Variants in MACROD2 observed in about 807,000 individuals in gnomAD.
MACROD2 encodes ADP-ribose glycohydrolase MACROD2.
Under a neutral mutation model 70.4 loss-of-function variants are expected in MACROD2, and 36 were observed. The observed-to-expected ratio is 0.51, with a 90% CI of 0.39 to 0.68. The LOEUF (loss-of-function observed/expected upper bound fraction) is 0.68. MACROD2 is among the 30% of genes least tolerant of loss of function. The pLI, the probability that MACROD2 is intolerant of heterozygous loss-of-function variation, is 0.00. For synonymous variants in MACROD2, 172 were observed against 178.8 expected (o/e 0.96, Z 0.30); for missense variants, 496 against 538.4 (o/e 0.92, Z 0.78).
At chr20:15,261,610 A>G (rs13038724) in intron 6 of MACROD2, among the ~76,000 whole-genome samples, 2,140 of 152,098 alleles carry the variant, frequency 0.014, 27 homozygotes, top group Non-Finnish European at 0.018. Flanking sequence ...GTCCTTTTAC[A>G]TGAACAGCAA....
At chr20:15,226,207 G>A (rs1020488199) in intron 5 of MACROD2, among the ~76,000 whole-genome samples, 3 of 152,160 alleles carry the variant, frequency 2.0e-5, no homozygotes, top group South Asian at 2.1e-4. Flanking sequence ...AGAAGGTCAC[G>A]TAGCTGATTA....
At position 15,535,809 on chromosome 20, in the gene MACROD2, A is replaced by G. The variant is rs79382748; in HGVS notation, c.645+35962A>G. ...CCAAATAAGTTCATACTGGATAATT[A>G]TGGATGAGAAATAAATTGGCAACCA... On this transcript the variant is annotated intron_variant, in intron 8 of 17. Transcript: ENST00000684519. Among the ~76,000 whole-genome samples the G allele has an allele frequency of 2.4e-4, 36 of 152,314 alleles. No individual in the cohort carries two copies. In the East Asian group the frequency reaches 6.8e-3, roughly 29 times the overall value.
In MACROD2 at chr20:14,684,894, G is replaced by A. The variant is rs557866799; in HGVS notation, c.353G>A (p.Arg118His). ...GGCCCCTGTTTGCTAGCTGAATGTC[G>A]TAACCTGAATGGCTGTGATACTGGA... Reference protein sequence around the residue: ...AAGPCLLAECRNLNGCDTGHA... With the variant: ...AAGPCLLAECHNLNGCDTGHA... Residue 118 changes from arginine (R) to histidine (H), a missense_variant, in exon 5 of 18, where the codon CGT becomes CAT. Coordinates refer to ENST00000684519, the MANE Select transcript of MACROD2 (RefSeq NM_001351661.2). 3.2e-5 allele frequency: 52 copies of A among 1,613,838 alleles called. No individual in the cohort carries two copies. The highest frequency in any genetic ancestry group is 1.6e-4 in the Middle Eastern group (1 of 6,084).
chr20:15,329,128 G>C (rs555949029), intron 6 of MACROD2, among the ~76,000 whole-genome samples: 1 of 152,068 alleles, frequency 6.6e-6, no homozygotes, highest in African/African-American at 2.4e-5. Flanking sequence ...GAGTCTATTC[G>C]ATTGTGTAAA....
At chr20:14,357,935 C>CA (rs1433117220) in intron 3 of MACROD2, among the ~76,000 whole-genome samples, 1 of 152,242 alleles carries the variant, frequency 6.6e-6, no homozygotes, top group East Asian at 1.9e-4. Flanking sequence ...TGATCTCACA[C>CA]AAAGTCATCT....
chr20:15,724,260 A>G (rs1157099367), intron 8 of MACROD2, among the ~76,000 whole-genome samples: 1 of 152,144 alleles, frequency 6.6e-6, no homozygotes, highest in African/African-American at 2.4e-5. Flanking sequence ...TTCAAAGCAG[A>G]AGTTTTGAGT....
chr20:15,254,729 T>C (rs2077183974), intron 6 of MACROD2, among the ~76,000 whole-genome samples: 1 of 152,142 alleles, frequency 6.6e-6, no homozygotes, highest in East Asian at 1.9e-4. Context: ...TTGCTATGAT[T>C]ATCTTTTTTG....
At chr20:14,419,097 C>T (rs1457584118) in intron 3 of MACROD2, among the ~76,000 whole-genome samples, 2 of 151,972 alleles carry the variant, frequency 1.3e-5, no homozygotes, top group East Asian at 3.9e-4. Flanking sequence ...TCTTGTTGCC[C>T]AGGCTGGAGT....
rs570280807 is a variant in MACROD2, at chr20:14,196,703, A to C, written c.271+110975A>C. ...CAGCTAGGCTTTGGAAATACGGCTC[A>C]CATGCTTTTGGGACTCTGGCTATTT... On this transcript the variant is annotated intron_variant, in intron 3 of 17. Transcript: ENST00000684519. 7.2e-5 allele frequency among the ~76,000 whole-genome samples: 11 copies of C among 152,362 alleles called. No individual in the cohort carries two copies. In the East Asian group the frequency reaches 2.1e-3, roughly 29 times the overall value.
chr20:14,744,365 T>G (rs1389574410), intron 5 of MACROD2, among the ~76,000 whole-genome samples: 2 of 152,210 alleles, frequency 1.3e-5, no homozygotes, highest in Non-Finnish European at 2.9e-5. Flanking sequence ...ATTTACCATG[T>G]ACAACATATT....
rs573811904 is a variant in MACROD2 at position 15,154,249 on chromosome 20, G to C, written c.419-75691G>C. Among the ~76,000 whole-genome samples the C allele has an allele frequency of 1.2e-4, 19 of 152,228 alleles. No individual in the cohort carries two copies. The East Asian group carries it at 3.1e-3, about 25-fold the overall frequency. On this transcript the variant is annotated intron_variant, in intron 5 of 17. Transcript: ENST00000684519. ...TGACTCATCTTATCCCTGCAACTCAGTTTTCTCATTCCTCACCGTCACTTG... is the reference window on the plus strand; with the variant it reads ...TGACTCATCTTATCCCTGCAACTCACTTTTCTCATTCCTCACCGTCACTTG...
intron 3 of MACROD2, among the ~76,000 whole-genome samples, chr20:14,114,780 G>A (rs1399117219): frequency 6.6e-6 from 1 of 152,166 alleles, no homozygotes; most frequent in East Asian, 1.9e-4. Flanking sequence ...AAATAATTGA[G>A]ATGATAGAAA....
intron 5 of MACROD2, chr20:14,757,600 A>C: frequency 8.8e-7 from 1 of 1,132,398 alleles, no homozygotes; most frequent in Non-Finnish European, 1.3e-6. Flanking sequence ...GCCATTTATG[A>C]CTCCTTTTTA....
In MACROD2 at chr20:15,340,717, C is replaced by A. The variant is rs151272700; in HGVS notation, c.541-90688C>A. 7.7e-3 allele frequency among the ~76,000 whole-genome samples: 1,169 copies of A among 152,152 alleles called. 8 individuals are homozygous for A. Among genetic ancestry groups the A allele is most frequent in the Non-Finnish European group, 0.011 (720 of 68,012 alleles). On this transcript the variant is annotated intron_variant, in intron 6 of 17. Transcript: ENST00000684519. ...GCAGTGCCTTTCTTCCCTGATTGCA[C>A]TGTATAAAAGCTACAAATCATGCTT...
intron 5 of MACROD2, among the ~76,000 whole-genome samples, chr20:14,767,211 A>G (rs1237985985): frequency 6.6e-6 from 1 of 152,158 alleles, no homozygotes; most frequent in Non-Finnish European, 1.5e-5. Context: ...GTCCAAATGA[A>G]AAGAAATAAA....
intron 6 of MACROD2, among the ~76,000 whole-genome samples, chr20:15,266,273 C>T (rs1165289216): frequency 6.6e-6 from 1 of 152,112 alleles, no homozygotes; most frequent in Non-Finnish European, 1.5e-5. Flanking sequence ...TAAATCAGAG[C>T]AATGGGAAGT....
chr20:16,050,672 T>C lies in MACROD2; in HGVS notation c.*796T>C, dbSNP rs2067446901. ...GAGGTGACTCTCTGCTGCATAACTG[T>C]AAAGGATGGCCCTTTGCTAGGTGTT... On this transcript the variant is annotated 3_prime_UTR_variant, in exon 18 of 18. Transcript: ENST00000684519. 1 of 152,202 alleles carries C rather than the reference T, an allele frequency of 6.6e-6. No homozygotes were observed. Among genetic ancestry groups the C allele is most frequent in the Non-Finnish European group, 1.5e-5 (1 of 68,040 alleles). The allele number at this position is 152,202 out of a possible 1,614,324, so 9.4% of individuals were successfully genotyped here. A position where few individuals can be genotyped will look rare whatever the true frequency, so the allele number is the denominator to read the frequency against.
intron 8 of MACROD2, among the ~76,000 whole-genome samples, chr20:15,699,595 G>A (rs978392708): frequency 2.0e-5 from 3 of 152,114 alleles, no homozygotes; most frequent in Admixed American, 6.5e-5. Context: ...CAGAGCCGCC[G>A]CTGTGTCCCC....
intron 5 of MACROD2, among the ~76,000 whole-genome samples, chr20:15,214,181 G>A (rs764766141): frequency 6.6e-6 from 1 of 152,158 alleles, no homozygotes; most frequent in Admixed American, 6.5e-5. Flanking sequence ...CCAGGATCCA[G>A]TATGACTTTA....
Sources: allele counts gnomAD v4.1 joint callset (sites outside exome capture counted in the v4.1 genomes callset), GRCh38; gene constraint gnomAD v4.1.1; transcripts MANE v1.5; gene names NCBI Gene and HGNC (gene_info 2026-07-23, HGNC 2026-07-21).